CEP192: variants seen among roughly 807,000 people sequenced by gnomAD.
CEP192 encodes the protein centrosomal protein 192, also known as centrosomal protein of 192 kDa.
A neutral mutation model predicts 271.8 loss-of-function variants in CEP192; 151 were observed. The ratio of observed to expected loss-of-function variants is 0.56; its 90% CI spans 0.49 to 0.64. CEP192 has a LOEUF of 0.64. CEP192 is among the 30% of genes least tolerant of loss of function. The probability of loss-of-function intolerance (pLI) is 0.00; values close to 1 mark genes in which losing one functional copy is unlikely to be tolerated. For missense variants in CEP192, 2,910 were observed against 3,020.5 expected, an observed-to-expected ratio of 0.96 and a Z score of 0.86; for synonymous variants, 995 against 1,076.5, an observed-to-expected ratio of 0.92 and a Z score of 1.48.
In CEP192 at chr18:13,013,763, A is replaced by C. The variant is rs140730857; in HGVS notation, c.519+738A>C. 1.5e-3 allele frequency among the ~76,000 whole-genome samples: 234 copies of C among 152,390 alleles called. 1 individual carries two copies. Among genetic ancestry groups the C allele is most frequent in the African/African-American group, 5.2e-3 (218 of 41,596 alleles). ...TTACCACCAAACCTGGATTTCAGGC[A>C]TGCAGTCATGAATTTATGAGACTTA... On this transcript the variant is annotated intron_variant, in intron 5 of 44. Transcript: ENST00000506447.
chr18:13,107,599 T>A (rs1399040690), intron 40 of CEP192, among the ~76,000 whole-genome samples: 1 of 152,212 alleles, frequency 6.6e-6, no homozygotes, highest in African/African-American at 2.4e-5. Flanking sequence ...ATTATCAGAA[T>A]AAGTACCTAA....
At chr18:13,028,581 G>A (rs965701923) in intron 9 of CEP192, among the ~76,000 whole-genome samples, 3 of 152,096 alleles carry the variant, frequency 2.0e-5, no homozygotes, top group Admixed American at 6.5e-5. Flanking sequence ...GTGCAATGGC[G>A]GGTTCTTGGC....
intron 30 of CEP192, among the ~76,000 whole-genome samples, chr18:13,082,334 G>GAATTGAT (rs1302464322): frequency 4.0e-5 from 6 of 150,786 alleles, no homozygotes; most frequent in African/African-American, 1.5e-4. Context: ...TCTTCTCGTT[G>GAATTGAT]AATTGATCTC....
At chr18:13,020,950 T>C (rs1030162330) in intron 9 of CEP192, among the ~76,000 whole-genome samples, 1 of 152,192 alleles carries the variant, frequency 6.6e-6, no homozygotes, top group Non-Finnish European at 1.5e-5. Flanking sequence ...GTAGAGTTCT[T>C]TATGTCATCT....
chr18:13,017,321 A>G lies in CEP192; in HGVS notation c.774A>G (p.Thr258=). 1 of 1,544,618 alleles carries G rather than the reference A, an allele frequency of 6.5e-7. No homozygotes were observed. Among genetic ancestry groups the G allele is most frequent in the African/African-American group, 1.4e-5 (1 of 72,688 alleles). The change falls in exon 7 of 45, where the codon ACA becomes ACG. Residue 258 remains threonine (T), a synonymous_variant. Coordinates refer to ENST00000506447, the MANE Select transcript of CEP192 (RefSeq NM_032142.4). The part of the protein sequence containing the change: ...EPPEKGFKLP[T]NGLRQANENG... ...CAGAAAAAGGTTTTAAGTTACCTAC[A>G]AATGGTCTTAGACAGGTGTGTTCCA... is the stretch of plus-strand genomic sequence containing the variant.
At chr18:13,085,835 C>T (rs1304566318) in intron 30 of CEP192, among the ~76,000 whole-genome samples, 1 of 152,020 alleles carries the variant, frequency 6.6e-6, no homozygotes, top group Non-Finnish European at 1.5e-5. Flanking sequence ...CGTGATGCCT[C>T]CAGCTTTGTT....
chr18:13,080,259 C>G (rs1433291132), intron 30 of CEP192, among the ~76,000 whole-genome samples: 1 of 152,176 alleles, frequency 6.6e-6, no homozygotes, highest in African/African-American at 2.4e-5. Context: ...TTGATTCTTC[C>G]TATCCATGAG....
chr18:13,104,181 T>C (rs769415320), intron 39 of CEP192, among the ~76,000 whole-genome samples: 3 of 152,240 alleles, frequency 2.0e-5, no homozygotes, highest in Non-Finnish European at 4.4e-5. Flanking sequence ...TTGAGAAATA[T>C]GTAAAAATTG....
intron 1 of CEP192, among the ~76,000 whole-genome samples, chr18:12,993,130 T>C (rs2032980877): frequency 6.6e-6 from 1 of 152,100 alleles, no homozygotes; most frequent in African/African-American, 2.4e-5. Flanking sequence ...TCCAGAAGTG[T>C]ATTTGACGTT....
intron 9 of CEP192, among the ~76,000 whole-genome samples, chr18:13,020,429 C>T (rs908463080): frequency 2.0e-5 from 3 of 152,096 alleles, no homozygotes; most frequent in African/African-American, 7.2e-5. Context: ...TTCTTATGGC[C>T]GAATAATGTT....
intron 38 of CEP192, among the ~76,000 whole-genome samples, chr18:13,102,863 G>GCAT (rs1371531669): frequency 1.3e-5 from 2 of 152,266 alleles, no homozygotes; most frequent in East Asian, 3.9e-4. Flanking sequence ...TCGGGCCCAG[G>GCAT]CATCACACCC....
intron 6 of CEP192, 70 bp from the exon 7 acceptor site, chr18:13,017,118 T>G: frequency 5.0e-5 from 62 of 1,252,230 alleles, no homozygotes; most frequent in Middle Eastern, 2.8e-4. Context: ...TTATCGGCCT[T>G]TTTAATTACA....
intron 30 of CEP192, among the ~76,000 whole-genome samples, chr18:13,078,094 C>T (rs2038386327): frequency 6.6e-6 from 1 of 152,166 alleles, no homozygotes. Context: ...TAGTCCCTCA[C>T]CCCCTGACAG....
At chr18:13,065,175 G>GT (rs35939555) in intron 21 of CEP192, among the ~76,000 whole-genome samples, 38,566 of 144,010 alleles carry the variant, frequency 0.27, 5,900 homozygotes, top group Admixed American at 0.37. Context: ...TCTAATAGTT[G>GT]TTTTTTTTTT....
chr18:13,008,423 A>C, intron 3 of CEP192, 33 bp from the exon 4 acceptor site: 1 of 1,420,274 alleles, frequency 7.0e-7, no homozygotes. Context: ...GGTAACTAAC[A>C]TTTTATCATT....
intron 15 of CEP192, among the ~76,000 whole-genome samples, chr18:13,044,367 C>T (rs1156298799): frequency 6.6e-6 from 1 of 152,096 alleles, no homozygotes; most frequent in Non-Finnish European, 1.5e-5. Flanking sequence ...TTCCCTCATT[C>T]ATTGGGAACT....
At chr18:13,073,546 GTCTC>G (rs769603213) in intron 30 of CEP192, among the ~76,000 whole-genome samples, 78 of 152,290 alleles carry the variant, frequency 5.1e-4, no homozygotes, top group Non-Finnish European at 8.8e-4. Flanking sequence ...CAAAAATACT[GTCTC>G]TGTCTGTTCA....
At chr18:13,061,322 G>GA (rs201341792) in intron 21 of CEP192, among the ~76,000 whole-genome samples, 4 of 152,036 alleles carry the variant, frequency 2.6e-5, no homozygotes, top group East Asian at 3.8e-4. Context: ...GTCTCTGCCT[G>GA]AAAAAAAATA....
intron 11 of CEP192, among the ~76,000 whole-genome samples, chr18:13,036,729 C>G (rs2035937469): frequency 1.3e-5 from 2 of 152,196 alleles, no homozygotes; most frequent in Admixed American, 6.5e-5. Flanking sequence ...GTTCCTTTCC[C>G]AGGGAGGGCT....
Sources: allele counts gnomAD v4.1 joint callset (sites outside exome capture counted in the v4.1 genomes callset), GRCh38; gene constraint gnomAD v4.1.1; transcripts MANE v1.5; gene names NCBI Gene and HGNC (gene_info 2026-07-23, HGNC 2026-07-21).